The following SKA1 variants were observed in gnomAD, a reference collection of about 807,000 sequenced individuals.
SKA1 encodes the protein spindle and kinetochore associated complex subunit 1.
In SKA1, 20 loss-of-function variants were observed where a neutral mutation model predicts 31.8. The observed-to-expected ratio is 0.63, with a 90% confidence interval of 0.44 to 0.91. The LOEUF is 0.91. Ranked by LOEUF, SKA1 falls within the 40% of genes least tolerant of loss-of-function variation. The pLI is 0.00. For synonymous variants in SKA1, 88 were observed against 100.5 expected (o/e 0.88, Z 0.74); for missense variants, 253 against 298.2 (o/e 0.85, Z 1.12).
chr18:50,377,318 C>T (rs1048323093), intron 2 of SKA1, among the ~76,000 whole-genome samples: 9 of 152,070 alleles, frequency 5.9e-5, no homozygotes, highest in Admixed American at 5.9e-4. Context: ...GGGCCACTGT[C>T]ATATTTATGG....
At chr18:50,383,378 T>C (rs2041277798) in intron 4 of SKA1, among the ~76,000 whole-genome samples, 1 of 152,216 alleles carries the variant, frequency 6.6e-6, no homozygotes, top group Admixed American at 6.5e-5. Context: ...CTCCCCTTTT[T>C]TAAATTATAG....
chr18:50,385,135 A>C, intron 4 of SKA1, 81 bp from the exon 5 acceptor site: 6 of 1,145,650 alleles, frequency 5.2e-6, no homozygotes, highest in Non-Finnish European at 7.2e-6. Context: ...CGTATTTAAT[A>C]TTATTTTCAG....
intron 5 of SKA1, 25 bp from the exon 6 acceptor site, chr18:50,391,099 T>C (rs2041352999): frequency 2.1e-6 from 3 of 1,418,630 alleles, no homozygotes; most frequent in Admixed American, 2.5e-5. Flanking sequence ...TTTAAAACAA[T>C]AATTAGCCAT....
Position 50,375,895 on chromosome 18 carries a change from A to AAACCTTATCATT in SKA1, c.68_79dup (p.Thr23_Leu26dup), listed in dbSNP as rs2041211140. 6.2e-7 allele frequency: 1 copy of AAACCTTATCATT among 1,605,786 alleles called. No homozygotes were observed. The highest frequency in any genetic ancestry group is 1.3e-5 in the African/African-American group (1 of 74,706). ...AATGAAAAGATTGGCAATATTAAGA[A>AAACCTTATCATT]AACCTTATCATTAAGAAACTGTGGT... On this transcript the variant is annotated inframe_insertion, in exon 2 of 7. Transcript: ENST00000285116.
chr18:50,389,797 T>C (rs1218252898), intron 5 of SKA1, among the ~76,000 whole-genome samples: 2 of 152,232 alleles, frequency 1.3e-5, no homozygotes, highest in Admixed American at 6.5e-5. Flanking sequence ...GCTGAGCTAA[T>C]GTGAAGAGCT....
intron 6 of SKA1, among the ~76,000 whole-genome samples, 162 bp downstream of exon 6, chr18:50,391,455 T>C (rs997971150): frequency 3.3e-5 from 5 of 152,350 alleles, no homozygotes; most frequent in African/African-American, 1.2e-4. Flanking sequence ...GGAGACATTT[T>C]TGGTTGTTAC....
At chr18:50,382,717 T>C (rs1443750577) in intron 4 of SKA1, among the ~76,000 whole-genome samples, 2 of 151,934 alleles carry the variant, frequency 1.3e-5, no homozygotes, top group African/African-American at 4.8e-5. Flanking sequence ...AAAAATAAGC[T>C]TAAGGAAGTT....
At chr18:50,380,495 G>A (rs1002400364) in intron 3 of SKA1, among the ~76,000 whole-genome samples, 6 of 152,150 alleles carry the variant, frequency 3.9e-5, no homozygotes, top group Admixed American at 3.9e-4. Flanking sequence ...ATAATTCTTG[G>A]TAGCTTTAAT....
chr18:50,375,598 G>A (rs1207443755), intron 1 of SKA1, among the ~76,000 whole-genome samples: 3 of 152,184 alleles, frequency 2.0e-5, no homozygotes, highest in Non-Finnish European at 4.4e-5. Flanking sequence ...TCTTTCCCCT[G>A]GTTTGGGATC....
intron 4 of SKA1, among the ~76,000 whole-genome samples, chr18:50,384,146 G>A (rs1599727389): frequency 6.6e-6 from 1 of 152,200 alleles, no homozygotes; most frequent in South Asian, 2.1e-4. Flanking sequence ...AATACATGTT[G>A]CTAGAAAGTG....
chr18:50,382,330 A>G, intron 4 of SKA1, 104 bp downstream of exon 4: 1 of 641,478 alleles, frequency 1.6e-6, no homozygotes, highest in Non-Finnish European at 2.5e-6. Flanking sequence ...TTTGTCAGCG[A>G]TGATCTAGTT....
intron 6 of SKA1, 129 bp downstream of exon 6, chr18:50,391,422 C>T: frequency 2.1e-6 from 2 of 932,578 alleles, no homozygotes; most frequent in Admixed American, 3.6e-5. Context: ...AGTTATCCTA[C>T]CAGGAGACAT....
intron 4 of SKA1, among the ~76,000 whole-genome samples, chr18:50,384,021 G>A (rs1024469561): frequency 1.3e-5 from 2 of 152,122 alleles, no homozygotes; most frequent in African/African-American, 4.8e-5. Context: ...TGCCTTTCTG[G>A]GGATTCCCTT....
chr18:50,387,139 A>T (rs2041315670), intron 5 of SKA1, among the ~76,000 whole-genome samples: 1 of 152,236 alleles, frequency 6.6e-6, no homozygotes, highest in Admixed American at 6.5e-5. Flanking sequence ...ATGACAGAAC[A>T]TTCCTCTTGC....
intron 5 of SKA1, among the ~76,000 whole-genome samples, chr18:50,388,218 G>A (rs541810195): frequency 6.6e-6 from 1 of 152,280 alleles, no homozygotes; most frequent in South Asian, 2.1e-4. Flanking sequence ...CTCCAGAGTA[G>A]CTAGGACTAC....
At chr18:50,385,780 G>A (rs1355752801) in intron 5 of SKA1, among the ~76,000 whole-genome samples, 1 of 152,222 alleles carries the variant, frequency 6.6e-6, no homozygotes. Flanking sequence ...ACTCAGAATA[G>A]AGGAATGAAT....
Position 50,385,219 on chromosome 18 carries a change from T to A in SKA1, c.315T>A (p.Val105=), listed in dbSNP as rs752907624. 6.2e-7 allele frequency: 1 copy of A among 1,612,236 alleles called. No homozygotes were observed. Among genetic ancestry groups the A allele is most frequent in the South Asian group, 1.1e-5 (1 of 90,642 alleles). The change falls in exon 5 of 7, where the codon GTT becomes GTA. Residue 105 remains valine, a synonymous_variant. Transcript: ENST00000285116. ...TATGTACATCTGTATTCTGTAGTGT[T>A]AAGGGATCAGATCTTGATCCTGAAG... is the stretch of plus-strand genomic sequence containing the variant. The part of the protein sequence containing the change: ...LPQVTVTQSC[V]KGSDLDPEEP...
Position 50,385,376 on chromosome 18 carries a change from G to C in SKA1, c.449+23G>C, listed in dbSNP as rs756732910. Reference sequence around the variant, plus strand: ...TTCGTAAGTATTTAAGATAAATAATGTTCAACCCCTTAATAAACATAAATG... The same window carrying C: ...TTCGTAAGTATTTAAGATAAATAATCTTCAACCCCTTAATAAACATAAATG... On this transcript the variant is annotated intron_variant, in intron 5 of 6. Coordinates refer to ENST00000285116, the MANE Select transcript of SKA1 (RefSeq NM_145060.4). 14 of 1,527,452 alleles carry C rather than the reference G, an allele frequency of 9.2e-6. No homozygotes were observed. In the East Asian group the frequency reaches 3.0e-4, roughly 33 times the overall value. 94.6% of individuals were successfully genotyped at this position (1,527,452 alleles called of 1,614,324 possible). A position where few individuals can be genotyped will look rare whatever the true frequency, so the allele number is the denominator to read the frequency against.
In SKA1 at chr18:50,393,319, GA is replaced by G; in HGVS notation, c.*1079del. On this transcript the variant is annotated 3_prime_UTR_variant, in exon 7 of 7. Coordinates refer to ENST00000285116, the MANE Select transcript of SKA1 (RefSeq NM_145060.4). ...AGCGAGACTCCATCTCAGAAAAAAA[GA>G]AAAAAAGACTGGGTACAGATGTGAT... 1 of 152,144 alleles carries G rather than the reference GA, an allele frequency of 6.6e-6. No individual in the cohort carries two copies. Among genetic ancestry groups the G allele is most frequent in the Non-Finnish European group, 1.5e-5 (1 of 68,092 alleles). 9.4% of individuals were successfully genotyped at this position (152,144 alleles called of 1,614,324 possible).
Sources: gnomAD v4.1 joint callset for allele counts (sites outside exome capture counted in the v4.1 genomes callset) on GRCh38, gnomAD v4.1.1 for gene constraint, MANE v1.5 for transcripts, NCBI Gene and HGNC (gene_info 2026-07-23, HGNC 2026-07-21) for gene names.